The following BRF1 variants were observed in gnomAD, a reference collection of about 807,000 sequenced individuals.
BRF1 encodes transcription factor IIIB 90 kDa subunit.
A neutral mutation model predicts 81.7 loss-of-function variants in BRF1; 59 were observed. That is an observed-to-expected ratio of 0.72 (90% CI 0.59 to 0.90). The LOEUF (loss-of-function observed/expected upper bound fraction) is 0.90, where lower values mean the gene tolerates loss of function less well. Ranked by LOEUF, BRF1 falls within the 40% of genes least tolerant of loss-of-function variation. The pLI is 0.00. For synonymous variants in BRF1, 491 were observed against 395.6 expected (o/e 1.24, Z -2.86); for missense variants, 1,050 against 936.3 (o/e 1.12, Z -1.58).
intron 6 of BRF1, among the ~76,000 whole-genome samples, chr14:105,229,414 T>C (rs1242933290): frequency 6.6e-6 from 1 of 152,352 alleles, no homozygotes; most frequent in Non-Finnish European, 1.5e-5. Context: ...AGCGCAGGGA[T>C]GCCGGTACCT....
At chr14:105,244,504 G>A (rs939310571) in intron 5 of BRF1, among the ~76,000 whole-genome samples, 3 of 143,928 alleles carry the variant, frequency 2.1e-5, no homozygotes, top group South Asian at 2.2e-4. Flanking sequence ...CAGTGACTAG[G>A]GTGGAGGAGG....
intron 6 of BRF1, among the ~76,000 whole-genome samples, chr14:105,229,266 G>A (rs1017934696): frequency 4.6e-5 from 7 of 152,262 alleles, no homozygotes; most frequent in South Asian, 2.1e-4. Context: ...GCGGAGCCAG[G>A]CTGGGCAGGA....
In BRF1 at chr14:105,300,438, G is replaced by T; in HGVS notation, c.184+8C>A. On this transcript the variant is annotated splice_region_variant and intron_variant, in intron 1 of 17. Coordinates refer to ENST00000547530, the MANE Select transcript of BRF1 (RefSeq NM_001519.4). ...GAAATCCGCGCAGCGCCAGCCCGCG[G>T]GACTCACCGTCCAGGGACACGAACT... 1 of 1,519,140 alleles carries T rather than the reference G, an allele frequency of 6.6e-7. No individual in the cohort carries two copies. Among genetic ancestry groups the T allele is most frequent in the Non-Finnish European group, 8.8e-7 (1 of 1,139,216 alleles). The allele number at this position is 1,519,140 out of a possible 1,614,324, so 94.1% of individuals were successfully genotyped here.
At chr14:105,249,106 C>CCCCGCG (rs2055394075) in intron 5 of BRF1, 1 of 1,497,198 alleles carries the variant, frequency 6.7e-7, no homozygotes, top group Non-Finnish European at 8.8e-7. Flanking sequence ...GCCCCGCGGC[C>CCCCGCG]CCCGCGCCCG....
At chr14:105,219,929 GA>G in intron 12 of BRF1, 139 bp downstream of exon 12, 1 of 884,242 alleles carries the variant, frequency 1.1e-6, no homozygotes, top group Admixed American at 2.3e-5. Context: ...ACAGTGGCCA[GA>G]AGGCCAGGAG....
intron 6 of BRF1, among the ~76,000 whole-genome samples, 188 bp from the exon 7 acceptor site, chr14:105,229,101 G>C (rs587705282): frequency 4.6e-5 from 7 of 152,212 alleles, no homozygotes; most frequent in African/African-American, 1.7e-4. Flanking sequence ...CTATCTTATT[G>C]TGGGTGGCGG....
At chr14:105,218,254 CCTT>C (rs1891657149) in intron 14 of BRF1, among the ~76,000 whole-genome samples, 1 of 152,198 alleles carries the variant, frequency 6.6e-6, no homozygotes, top group African/African-American at 2.4e-5. Flanking sequence ...CCCTGGATCT[CCTT>C]CTAGGAGCTG....
chr14:105,248,749 C>T, intron 5 of BRF1: 1 of 981,720 alleles, frequency 1.0e-6, no homozygotes, highest in Non-Finnish European at 1.2e-6. Flanking sequence ...GGCCGCGTCG[C>T]TCAGTGCCTG....
chr14:105,226,697 G>T lies in BRF1; in HGVS notation c.852C>A (p.Asp284Glu). The T allele has an allele frequency of 6.2e-7, 1 of 1,613,660 alleles. No individual in the cohort carries two copies. The highest frequency in any genetic ancestry group is 8.5e-7 in the Non-Finnish European group (1 of 1,180,022). Residue 284 changes from aspartate (D) to glutamate (E), a missense_variant, in exon 8 of 18, where the codon GAC (aspartate) becomes GAA (glutamate). Coordinates refer to ENST00000547530, the MANE Select transcript of BRF1 (RefSeq NM_001519.4). ...QLTIDEFMKI[D>E]LEEECDPPSY... ...AGGGGGGGTCGCACTCCTCCTCCAGGTCGATCTTCATGAACTCATCAATGG... is the reference window on the plus strand; with the variant it reads ...AGGGGGGGTCGCACTCCTCCTCCAGTTCGATCTTCATGAACTCATCAATGG...
intron 1 of BRF1, among the ~76,000 whole-genome samples, chr14:105,308,226 T>C (rs4983601): frequency 3.3e-5 from 5 of 151,676 alleles, no homozygotes; most frequent in African/African-American, 9.7e-5. Flanking sequence ...TCACACCTGT[T>C]ATCCCAGCAC....
chr14:105,269,549 T>A lies in BRF1; in HGVS notation c.439+3172A>T, dbSNP rs1325554787. On this transcript the variant is annotated intron_variant, in intron 3 of 17. Coordinates refer to ENST00000547530, the MANE Select transcript of BRF1 (RefSeq NM_001519.4). This position sits in a 1 kb window ranked among gnomAD's most constrained non-coding sequence, Gnocchi z 5.0. ...GGTGGCTTCCTGGATGCTGCCACTG[T>A]GAGCACTGTGCGTGAGCCTCGGTGG... Among the ~76,000 whole-genome samples, 1 of 152,178 alleles carries A rather than the reference T, an allele frequency of 6.6e-6. No individual in the cohort carries two copies. Among genetic ancestry groups the A allele is most frequent in the Non-Finnish European group, 1.5e-5 (1 of 68,038 alleles).
chr14:105,217,459 C>G (rs587733837), intron 15 of BRF1, 85 bp downstream of exon 15: 1 of 1,555,662 alleles, frequency 6.4e-7, no homozygotes, highest in Non-Finnish European at 8.7e-7. Context: ...CCGGCTGGCC[C>G]CCGGCAGCTC....
At chr14:105,279,171 T>C (rs2056967355) in intron 2 of BRF1, among the ~76,000 whole-genome samples, 1 of 151,956 alleles carries the variant, frequency 6.6e-6, no homozygotes, top group South Asian at 2.1e-4. Context: ...ACTGCACCAC[T>C]GCACTCCAGC....
rs764811788 is a variant in BRF1, at chr14:105,256,376, A to G, written c.471+142T>C. ...ATGAAGGCCCCTCATCCTACAGACC[A>G]AAACTTCCTGACTGGGCAGGCAGCA... On this transcript the variant is annotated intron_variant, in intron 4 of 17. Coordinates refer to ENST00000547530, the MANE Select transcript of BRF1 (RefSeq NM_001519.4). 2.5e-6 allele frequency: 4 copies of G among 1,590,284 alleles called. No homozygotes were observed. In the Admixed American group the frequency reaches 7.2e-5, roughly 29 times the overall value.
chr14:105,217,858 C>T, intron 14 of BRF1, 58 bp from the exon 15 acceptor site: 1 of 1,585,080 alleles, frequency 6.3e-7, no homozygotes, highest in African/African-American at 1.3e-5. Context: ...ACTCCACCAT[C>T]AGGGGCTCCA....
Position 105,226,811 on chromosome 14 carries a change from T to A in BRF1, c.789-51A>T, listed in dbSNP as rs761483213. On this transcript the variant is annotated intron_variant, in intron 7 of 17. Transcript: ENST00000547530. The stretch of plus-strand genomic sequence containing the variant: ...TGGAGCTGGTGGCTCTGAAACCAGC[T>A]GTTTAAAACTGAGCTTTCGCCTGGG... The A allele has an allele frequency of 1.9e-6, 3 of 1,611,184 alleles. No homozygotes were observed. The Admixed American group carries it at 5.0e-5, about 27-fold the overall frequency.
intron 3 of BRF1, among the ~76,000 whole-genome samples, chr14:105,261,756 G>A (rs192991469): frequency 2.8e-4 from 42 of 152,366 alleles, no homozygotes; most frequent in African/African-American, 9.6e-4. Flanking sequence ...GCAGGGGCCG[G>A]CAGGGCCCCA....
chr14:105,241,223 G>T (rs778980547), intron 6 of BRF1, 42 bp downstream of exon 6: 1 of 1,601,572 alleles, frequency 6.2e-7, no homozygotes, highest in South Asian at 1.1e-5. Context: ...GTGAGGCCAG[G>T]ACCCAGACCA....
At chr14:105,265,834 G>A (rs2056386299) in intron 3 of BRF1, among the ~76,000 whole-genome samples, 1 of 150,356 alleles carries the variant, frequency 6.7e-6, no homozygotes, top group Non-Finnish European at 1.5e-5. Flanking sequence ...CCGCGAGGCA[G>A]AGCTTGTAGT....
Sources: allele counts gnomAD v4.1 joint callset (sites outside exome capture counted in the v4.1 genomes callset), GRCh38; gene constraint gnomAD v4.1.1; non-coding constraint Gnocchi (gnomAD v3.1); transcripts MANE v1.5; gene names NCBI Gene and HGNC (gene_info 2026-07-23, HGNC 2026-07-21).